BMERB1: variants seen among roughly 807,000 people sequenced by gnomAD.
BMERB1 encodes the protein bMERB domain containing 1, also known as bMERB domain-containing protein 1.
In BMERB1, 12 loss-of-function variants were observed where a neutral mutation model predicts 23.6. That is an observed-to-expected ratio of 0.51 (90% CI 0.33 to 0.82). The LOEUF (loss-of-function observed/expected upper bound fraction) is 0.82, where lower values mean the gene tolerates loss of function less well. Among genes scored for constraint, BMERB1 ranks in the 40% least tolerant of loss-of-function variants. BMERB1 has a pLI of 0.03. For synonymous variants in BMERB1, 122 were observed against 96.6 expected (o/e 1.26, Z -1.54); for missense variants, 247 against 255.4 (o/e 0.97, Z 0.22).
At chr16:15,532,178 A>G (rs1034473046) in intron 2 of BMERB1, among the ~76,000 whole-genome samples, 1 of 151,972 alleles carries the variant, frequency 6.6e-6, no homozygotes, top group Non-Finnish European at 1.5e-5. Context: ...TCAATCCAAG[A>G]CATTCCTGGT....
At chr16:15,534,328 C>A (rs545302472) in intron 2 of BMERB1, among the ~76,000 whole-genome samples, 7 of 141,764 alleles carry the variant, frequency 4.9e-5, no homozygotes, top group South Asian at 4.5e-4. Context: ...AAAGGCCAGG[C>A]GCGGTGGCTC....
At chr16:15,436,281 G>A (rs1483167531) in intron 1 of BMERB1, among the ~76,000 whole-genome samples, 2 of 141,208 alleles carry the variant, frequency 1.4e-5, no homozygotes, top group African/African-American at 2.6e-5. Flanking sequence ...TTTTTGAGAC[G>A]GAGTTTCGCT....
At chr16:15,451,995 A>G (rs1204535682) in intron 1 of BMERB1, among the ~76,000 whole-genome samples, 1 of 152,030 alleles carries the variant, frequency 6.6e-6, no homozygotes, top group African/African-American at 2.4e-5. Flanking sequence ...AAAACAAAAA[A>G]TAGCTCTAGG....
intron 1 of BMERB1, among the ~76,000 whole-genome samples, chr16:15,488,086 C>T (rs538238288): frequency 1.3e-5 from 2 of 152,124 alleles, no homozygotes; most frequent in African/African-American, 2.4e-5. Context: ...TTTTACCCAG[C>T]CCCTATTCAA....
intron 3 of BMERB1, among the ~76,000 whole-genome samples, chr16:15,580,051 T>G (rs2030968286): frequency 6.6e-6 from 1 of 152,002 alleles, no homozygotes; most frequent in African/African-American, 2.4e-5. Context: ...GCATTAGCTA[T>G]TTTTCCTGAT....
intron 2 of BMERB1, among the ~76,000 whole-genome samples, chr16:15,525,536 C>T (rs1467349988): frequency 1.3e-5 from 2 of 151,844 alleles, no homozygotes; most frequent in African/African-American, 4.8e-5. Context: ...GAATCCCTGC[C>T]TCTACTAAAA....
chr16:15,503,192 G>A (rs1306594269), intron 1 of BMERB1, among the ~76,000 whole-genome samples: 1 of 152,198 alleles, frequency 6.6e-6, no homozygotes, highest in Non-Finnish European at 1.5e-5. Context: ...GGGATTATAA[G>A]TAATCTAGAG....
intron 1 of BMERB1, among the ~76,000 whole-genome samples, chr16:15,452,562 T>C (rs995145638): frequency 6.6e-6 from 1 of 152,098 alleles, no homozygotes; most frequent in Non-Finnish European, 1.5e-5. Flanking sequence ...AGAGTCCATT[T>C]CTGTTGCTTG....
At position 15,482,189 on chromosome 16, in the gene BMERB1, C is replaced by T. The variant is rs115162976; in HGVS notation, c.107-33116C>T. 2.5e-3 allele frequency among the ~76,000 whole-genome samples: 382 copies of T among 152,200 alleles called. 2 individuals are homozygous for T. Among genetic ancestry groups the T allele is most frequent in the African/African-American group, 8.4e-3 (350 of 41,514 alleles). On this transcript the variant is annotated intron_variant, in intron 1 of 5. Transcript: ENST00000300006. ...GTACCAGATTGACCTTGAGTAGAAC[C>T]AGCCTTGAGAGAAGAGGAAAGGAGA...
intron 1 of BMERB1, among the ~76,000 whole-genome samples, chr16:15,439,909 T>C (rs541227104): frequency 6.6e-6 from 1 of 151,926 alleles, no homozygotes; most frequent in East Asian, 1.9e-4. Flanking sequence ...ACAGGGGAAA[T>C]GGAGGAGTTG....
At chr16:15,523,680 G>T (rs2051878671) in intron 2 of BMERB1, among the ~76,000 whole-genome samples, 1 of 152,114 alleles carries the variant, frequency 6.6e-6, no homozygotes, top group Admixed American at 6.5e-5. Context: ...AGTACAAGGG[G>T]GACAGTGATA....
chr16:15,497,224 A>T (rs1234185674), intron 1 of BMERB1, among the ~76,000 whole-genome samples: 1 of 152,184 alleles, frequency 6.6e-6, no homozygotes. Flanking sequence ...ACTCAGTCTC[A>T]CATCCATCTC....
At chr16:15,471,938 A>C (rs1292101259) in intron 1 of BMERB1, among the ~76,000 whole-genome samples, 3 of 152,176 alleles carry the variant, frequency 2.0e-5, no homozygotes, top group African/African-American at 7.2e-5. Flanking sequence ...TCTCTGTATC[A>C]CATATGTTTT....
intron 1 of BMERB1, among the ~76,000 whole-genome samples, chr16:15,492,894 G>C (rs952651428): frequency 1.3e-5 from 2 of 148,930 alleles, no homozygotes; most frequent in Non-Finnish European, 3.0e-5. Flanking sequence ...ACTCCAGCCT[G>C]AGTGACAATA....
At chr16:15,491,069 C>T (rs997091571) in intron 1 of BMERB1, among the ~76,000 whole-genome samples, 13 of 152,114 alleles carry the variant, frequency 8.5e-5, no homozygotes, top group Admixed American at 7.9e-4. Flanking sequence ...AGGCTGGTCT[C>T]GAACTCCTGA....
At chr16:15,501,287 CTTTTTTTT>C (rs71152437) in intron 1 of BMERB1, among the ~76,000 whole-genome samples, 13 of 64,908 alleles carry the variant, frequency 2.0e-4, no homozygotes, top group East Asian at 8.7e-4. Context: ...GCTCTTTTTA[CTTTTTTTT>C]TTTTTTTTTT....
intron 2 of BMERB1, among the ~76,000 whole-genome samples, chr16:15,542,144 A>G (rs938503282): frequency 2.7e-5 from 4 of 149,066 alleles, no homozygotes; most frequent in Non-Finnish European, 5.9e-5. Context: ...GCTCACTGCA[A>G]CCTCCGCCTC....
intron 2 of BMERB1, among the ~76,000 whole-genome samples, chr16:15,567,050 C>T (rs2030586807): frequency 6.6e-6 from 1 of 151,740 alleles, no homozygotes; most frequent in Non-Finnish European, 1.5e-5. Context: ...GCCTGTAGTC[C>T]CAGCTACTCC....
chr16:15,541,905 AT>A (rs35159147), intron 2 of BMERB1, among the ~76,000 whole-genome samples: 26,192 of 109,998 alleles, frequency 0.24, 2,753 homozygotes, highest in East Asian at 0.53. Context: ...CCCGGCCTAA[AT>A]TTTTTTTTTT....
Sources: gnomAD v4.1 joint callset for allele counts (sites outside exome capture counted in the v4.1 genomes callset) on GRCh38, gnomAD v4.1.1 for gene constraint, MANE v1.5 for transcripts, NCBI Gene and HGNC (gene_info 2026-07-23, HGNC 2026-07-21) for gene names.